STAT4: variants seen among roughly 807,000 people sequenced by gnomAD.
The protein encoded by STAT4 is signal transducer and activator of transcription 4.
STAT4 carries 42 observed loss-of-function variants against 110.5 expected under a neutral mutation model. That is an observed-to-expected ratio of 0.38 (90% confidence interval 0.30 to 0.49). The LOEUF is 0.49. Ranked by LOEUF, STAT4 falls within the 20% of genes least tolerant of loss-of-function variation. The probability of loss-of-function intolerance (pLI) is 0.95; values close to 1 mark genes in which losing one functional copy is unlikely to be tolerated. For missense variants in STAT4, 632 were observed against 887.9 expected (o/e 0.71, Z 3.66); for synonymous variants, 284 against 302.2 (o/e 0.94, Z 0.63).
rs190938890 is a variant in STAT4 at position 191,059,722 on chromosome 2, T to C, written c.1035-953A>G. 6.6e-6 allele frequency among the ~76,000 whole-genome samples: 1 copy of C among 152,290 alleles called. No individual in the cohort carries two copies. The highest frequency in any genetic ancestry group is 1.9e-4 in the East Asian group (1 of 5,184). On this transcript the variant is annotated intron_variant, in intron 10 of 23. Coordinates refer to ENST00000392320, the MANE Select transcript of STAT4 (RefSeq NM_003151.4). The surrounding 1 kb of genome is among the most constrained non-coding windows in gnomAD (Gnocchi z 4.7). ...ATTAGAGAAATGAAATCATAGCTCA[T>C]GGGCAGCCCAAACAAAAGGGTGGGT...
intron 14 of STAT4, among the ~76,000 whole-genome samples, chr2:191,044,120 TTA>T (rs1696283087): frequency 6.6e-6 from 1 of 152,180 alleles, no homozygotes. Flanking sequence ...CTATTATTCT[TTA>T]TGTTTTTACA....
At chr2:191,067,798 G>A (rs910455544) in intron 6 of STAT4, among the ~76,000 whole-genome samples, 6 of 151,808 alleles carry the variant, frequency 4.0e-5, no homozygotes, top group African/African-American at 1.5e-4. Flanking sequence ...TTCCCTTTTT[G>A]CTCCTACAAT....
chr2:191,040,224 T>C (rs1696151648), intron 15 of STAT4, among the ~76,000 whole-genome samples: 1 of 152,190 alleles, frequency 6.6e-6, no homozygotes, highest in Non-Finnish European at 1.5e-5. Flanking sequence ...CAAAAGTTTC[T>C]TTATTCTTTC....
At position 191,059,359 on chromosome 2, in the gene STAT4, C is replaced by A. The variant is rs564525548; in HGVS notation, c.1035-590G>T. ...GTTCAGTATAAAAATTCCTTTAATT[C>A]CTTCTGGTGTCAGCCCATCCTTTAT... On this transcript the variant is annotated intron_variant, in intron 10 of 23. Coordinates refer to ENST00000392320, the MANE Select transcript of STAT4 (RefSeq NM_003151.4). This position sits in a 1 kb window ranked among gnomAD's most constrained non-coding sequence, Gnocchi z 4.7. Among the ~76,000 whole-genome samples the A allele has an allele frequency of 7.9e-5, 12 of 152,272 alleles. No individual in the cohort carries two copies. Among genetic ancestry groups the A allele is most frequent in the Middle Eastern group, 3.4e-3 (1 of 294 alleles).
At chr2:191,101,847 C>G (rs1216255638) in intron 3 of STAT4, among the ~76,000 whole-genome samples, 1 of 151,980 alleles carries the variant, frequency 6.6e-6, no homozygotes, top group East Asian at 1.9e-4. Flanking sequence ...ATCTAACAAC[C>G]TCATAGTTAT....
chr2:191,081,532 T>C (rs1574138087), intron 3 of STAT4, among the ~76,000 whole-genome samples: 1 of 152,364 alleles, frequency 6.6e-6, no homozygotes, highest in East Asian at 1.9e-4. Flanking sequence ...ATGATTGTCA[T>C]GCTAACTGGC....
chr2:191,121,802 A>C (rs1313852705), intron 3 of STAT4: 1 of 149,524 alleles, frequency 6.7e-6, no homozygotes, highest in Non-Finnish European at 1.5e-5. Flanking sequence ...GGGGGAGGGA[A>C]AGCATTAGGA....
At chr2:191,087,486 T>C (rs991471724) in intron 3 of STAT4, among the ~76,000 whole-genome samples, 1 of 152,134 alleles carries the variant, frequency 6.6e-6, no homozygotes, top group African/African-American at 2.4e-5. Flanking sequence ...TCTCCATTAA[T>C]GCAACCACGC....
At chr2:191,075,382 T>C (rs1574132205) in intron 4 of STAT4, among the ~76,000 whole-genome samples, 1 of 152,242 alleles carries the variant, frequency 6.6e-6, no homozygotes, top group South Asian at 2.1e-4. Context: ...AAATATAATC[T>C]AAACTATGTT....
chr2:191,034,224 C>T (rs1257728752), intron 18 of STAT4, among the ~76,000 whole-genome samples: 2 of 151,990 alleles, frequency 1.3e-5, no homozygotes, highest in Non-Finnish European at 2.9e-5. Flanking sequence ...AGATTGAGAC[C>T]ATCCTGACTA....
Position 191,099,863 on chromosome 2 carries a change from A to G in STAT4, c.274-23538T>C, listed in dbSNP as rs1171027098. Among the ~76,000 whole-genome samples the G allele has an allele frequency of 6.6e-6, 1 of 152,140 alleles. No homozygotes were observed. Among genetic ancestry groups the G allele is most frequent in the Non-Finnish European group, 1.5e-5 (1 of 68,010 alleles). ...GATCTACTTTATGGAAAATTACATG[A>G]GTGTGTATGCAGTAAAAGTATGAAA... On this transcript the variant is annotated intron_variant, in intron 3 of 23. Transcript: ENST00000392320. This position sits in a 1 kb window ranked among gnomAD's most constrained non-coding sequence, Gnocchi z 4.1.
At chr2:191,119,539 T>A (rs1007264923) in intron 3 of STAT4, among the ~76,000 whole-genome samples, 1 of 152,164 alleles carries the variant, frequency 6.6e-6, no homozygotes, top group East Asian at 1.9e-4. Context: ...CCTGAATAAA[T>A]GAAAAGATGT....
At position 191,143,513 on chromosome 2, in the gene STAT4, T is replaced by G. The variant is rs929278372; in HGVS notation, c.273+3100A>C. Reference sequence around the variant, plus strand: ...CTTCCACCTTGGAGCTTCTTGAATTTGCCATCGGGAAACTGGTTTTGTTTT... The same window carrying G: ...CTTCCACCTTGGAGCTTCTTGAATTGGCCATCGGGAAACTGGTTTTGTTTT... On this transcript the variant is annotated intron_variant, in intron 3 of 23. Transcript: ENST00000392320. This position sits in a 1 kb window ranked among gnomAD's most constrained non-coding sequence, Gnocchi z 5.6. 6.6e-6 allele frequency among the ~76,000 whole-genome samples: 1 copy of G among 152,214 alleles called. No homozygotes were observed. The highest frequency in any genetic ancestry group is 1.5e-5 in the Non-Finnish European group (1 of 68,028).
chr2:191,098,580 C>T (rs993115937), intron 3 of STAT4, among the ~76,000 whole-genome samples: 6 of 146,414 alleles, frequency 4.1e-5, no homozygotes, highest in Non-Finnish European at 9.0e-5. Flanking sequence ...GGACACAGGG[C>T]GGGGAACATC....
chr2:191,037,199 C>T lies in STAT4; in HGVS notation c.1435-900G>A, dbSNP rs377070802. On this transcript the variant is annotated intron_variant, in intron 16 of 23. Coordinates refer to ENST00000392320, the MANE Select transcript of STAT4 (RefSeq NM_003151.4). This position sits in a 1 kb window ranked among gnomAD's most constrained non-coding sequence, Gnocchi z 4.8. ...ATTTTACCTTGACCAGACCAATCAT[C>T]CCAAAGTGCTAGAAATGGTAAAGTC... is the stretch of plus-strand genomic sequence containing the variant. 1.3e-5 allele frequency among the ~76,000 whole-genome samples: 2 copies of T among 152,210 alleles called. No homozygotes were observed. Among genetic ancestry groups the T allele is most frequent in the African/African-American group, 4.8e-5 (2 of 41,532 alleles).
rs1699500598 is a variant in STAT4, at chr2:191,147,941, T to C, written c.128+135A>G. ...TTATTCCCCTTCTTTGGGAAGGCTT[T>C]CAAATCCTTGAGAAAGTTCTTTACC... On this transcript the variant is annotated intron_variant, in intron 2 of 23. Transcript: ENST00000392320. This position sits in a 1 kb window ranked among gnomAD's most constrained non-coding sequence, Gnocchi z 4.1. 1 of 1,259,562 alleles carries C rather than the reference T, an allele frequency of 7.9e-7. No homozygotes were observed. Among genetic ancestry groups the C allele is most frequent in the Non-Finnish European group, 1.1e-6 (1 of 924,950 alleles). 78.0% of individuals were successfully genotyped at this position (1,259,562 alleles called of 1,614,324 possible). A position where few individuals can be genotyped will look rare whatever the true frequency, so the allele number is the denominator to read the frequency against.
intron 3 of STAT4, among the ~76,000 whole-genome samples, chr2:191,081,690 T>C (rs2125284164): frequency 6.6e-6 from 1 of 152,306 alleles, no homozygotes; most frequent in Admixed American, 6.5e-5. Context: ...GTTCTTATTC[T>C]TAGACATTGT....
At chr2:191,034,680 T>C in intron 17 of STAT4, 83 bp from the exon 18 acceptor site, 2 of 1,023,196 alleles carry the variant, frequency 2.0e-6, no homozygotes, top group Non-Finnish European at 3.1e-6. Context: ...TTTTGCCTCT[T>C]CCCTTTCAAG....
chr2:191,064,059 T>G (rs1488537396), intron 8 of STAT4, among the ~76,000 whole-genome samples: 1 of 152,218 alleles, frequency 6.6e-6, no homozygotes, highest in Non-Finnish European at 1.5e-5. Context: ...AATCTTCTAA[T>G]GCAAAGGATA....
Sources: allele counts gnomAD v4.1 joint callset (sites outside exome capture counted in the v4.1 genomes callset), GRCh38; gene constraint gnomAD v4.1.1; non-coding constraint Gnocchi (gnomAD v3.1); transcripts MANE v1.5; gene names NCBI Gene and HGNC (gene_info 2026-07-23, HGNC 2026-07-21).